SSBP2: variants seen among roughly 807,000 people sequenced by gnomAD.
SSBP2 encodes single-stranded DNA-binding protein 2.
In SSBP2, 17 loss-of-function variants were observed where a neutral mutation model predicts 61.8. The ratio of observed to expected loss-of-function variants is 0.28; its 90% CI spans 0.19 to 0.41. The LOEUF (loss-of-function observed/expected upper bound fraction) is 0.41. SSBP2 is among the 10% of genes least tolerant of loss of function. SSBP2 has a pLI of 1.00. For synonymous variants in SSBP2, 139 were observed against 141.3 expected (o/e 0.98, Z 0.12); for missense variants, 310 against 458.7 (o/e 0.68, Z 2.96).
chr5:81,748,723 C>T (rs1162892023), intron 1 of SSBP2, among the ~76,000 whole-genome samples: 1 of 152,140 alleles, frequency 6.6e-6, no homozygotes, highest in Non-Finnish European at 1.5e-5. Context: ...AATCAAATAG[C>T]ACCATCTAGC....
At position 81,448,825 on chromosome 5, in the gene SSBP2, T is replaced by C. The variant is rs1763576511; in HGVS notation, c.688A>G (p.Ile230Val). The C allele has an allele frequency of 1.9e-6, 3 of 1,612,810 alleles. No homozygotes were observed. In the South Asian group the frequency reaches 3.3e-5, roughly 18 times the overall value. Residue 230 changes from isoleucine (I) to valine (V), a missense_variant and splice_region_variant, in exon 11 of 17, where the codon ATA (isoleucine) becomes GTA (valine). Transcript: ENST00000320672. ...CCAGGAGATGCTGAGGAGTATGGTA[T>C]CTGGAACACGAATAGGACAAAAAAA...
intron 4 of SSBP2, among the ~76,000 whole-genome samples, chr5:81,600,764 GA>G (rs1744286925): frequency 6.6e-6 from 1 of 151,758 alleles, no homozygotes; most frequent in Admixed American, 6.6e-5. Context: ...CCATCTAAAG[GA>G]AAAACACTAA....
At position 81,433,338 on chromosome 5, in the gene SSBP2, G is replaced by A. The variant is rs1277588139; in HGVS notation, c.957+4092C>T. Among the ~76,000 whole-genome samples the A allele has an allele frequency of 5.9e-5, 9 of 152,098 alleles. No homozygotes were observed. In the South Asian group the frequency reaches 6.2e-4, roughly 11 times the overall value. On this transcript the variant is annotated intron_variant, in intron 15 of 16. Transcript: ENST00000320672. ...ACCCTGTGCTCTCTGAAACATGTGC[G>A]GTGTCCACTCAGGGTTAAATGGATT...
intron 1 of SSBP2, among the ~76,000 whole-genome samples, chr5:81,729,887 G>A (rs1418230283): frequency 6.6e-6 from 1 of 151,792 alleles, no homozygotes; most frequent in Non-Finnish European, 1.5e-5. Context: ...TATATAGATA[G>A]GTCAAAATAA....
At chr5:81,485,800 C>G (rs1327451246) in intron 6 of SSBP2, among the ~76,000 whole-genome samples, 1 of 152,116 alleles carries the variant, frequency 6.6e-6, no homozygotes, top group Non-Finnish European at 1.5e-5. Context: ...TGTGAGCTAC[C>G]ATGCCTGGAC....
chr5:81,585,233 C>T (rs1282370945), intron 4 of SSBP2, among the ~76,000 whole-genome samples: 1 of 152,090 alleles, frequency 6.6e-6, no homozygotes, highest in Non-Finnish European at 1.5e-5. Context: ...TACTCTGTCT[C>T]TCTGGCATAT....
At chr5:81,444,237 T>C (rs544175331) in intron 12 of SSBP2, among the ~76,000 whole-genome samples, 1 of 152,228 alleles carries the variant, frequency 6.6e-6, no homozygotes, top group African/African-American at 2.4e-5. Context: ...TTTACATCCT[T>C]GTGTATGCTA....
rs11332987 is a variant in SSBP2 at position 81,668,248 on chromosome 5, TAAAAAA to T, written c.63-17915_63-17910del. 5.4e-3 allele frequency among the ~76,000 whole-genome samples: 516 copies of T among 94,918 alleles called. 7 individuals carry two copies. Among genetic ancestry groups the T allele is most frequent in the Admixed American group, 0.044 (386 of 8,868 alleles). 62.3% of individuals were successfully genotyped at this position (94,918 alleles called of 152,430 possible). ...TAAAGATAGAGCTTATATGGAAGTT[TAAAAAA>T]AAAAAAAAAAAAAAAAAAACAGGAA... On this transcript the variant is annotated intron_variant, in intron 1 of 16. Transcript: ENST00000320672.
chr5:81,488,969 A>G (rs1278997241), intron 6 of SSBP2, among the ~76,000 whole-genome samples: 2 of 152,174 alleles, frequency 1.3e-5, no homozygotes, highest in African/African-American at 2.4e-5. Flanking sequence ...GTTGCCGGCC[A>G]CATATGGTCT....
At chr5:81,455,568 G>A (rs1764082405) in intron 10 of SSBP2, among the ~76,000 whole-genome samples, 1 of 47,996 alleles carries the variant, frequency 2.1e-5, no homozygotes, top group South Asian at 5.2e-4. Flanking sequence ...GCAGTGAGCC[G>A]AGATTGCGCC....
chr5:81,702,522 C>T (rs763263476), intron 1 of SSBP2, among the ~76,000 whole-genome samples: 1 of 152,032 alleles, frequency 6.6e-6, no homozygotes, highest in Non-Finnish European at 1.5e-5. Flanking sequence ...AAATAGGCAT[C>T]GGAAAATACA....
At chr5:81,445,116 C>G (rs1207349866) in intron 12 of SSBP2, among the ~76,000 whole-genome samples, 6 of 96,582 alleles carry the variant, frequency 6.2e-5, no homozygotes, top group Middle Eastern at 6.0e-3. Context: ...GAGGCTCTGT[C>G]TCAGCAAAGA....
At chr5:81,519,581 A>G (rs1029658605) in intron 4 of SSBP2, among the ~76,000 whole-genome samples, 5 of 152,208 alleles carry the variant, frequency 3.3e-5, no homozygotes, top group African/African-American at 1.2e-4. Context: ...TGGTCTTAAG[A>G]TCTTGTTTGT....
intron 6 of SSBP2, among the ~76,000 whole-genome samples, chr5:81,480,359 A>G (rs1323798465): frequency 6.6e-6 from 1 of 152,190 alleles, no homozygotes; most frequent in African/African-American, 2.4e-5. Context: ...GTTTCCCGTG[A>G]ATATATGTTT....
At chr5:81,457,293 C>T (rs1764227411) in intron 10 of SSBP2, among the ~76,000 whole-genome samples, 1 of 151,900 alleles carries the variant, frequency 6.6e-6, no homozygotes. Context: ...TTCATGAATA[C>T]ATCGTATATA....
chr5:81,704,436 TGCTC>T (rs1439466908), intron 1 of SSBP2, among the ~76,000 whole-genome samples: 2 of 152,124 alleles, frequency 1.3e-5, no homozygotes, highest in East Asian at 3.9e-4. Context: ...CAGGCACACA[TGCTC>T]GCACACATAT....
intron 15 of SSBP2, among the ~76,000 whole-genome samples, chr5:81,429,627 AACTT>A (rs374816656): frequency 0.013 from 2,034 of 152,304 alleles, 46 homozygotes; most frequent in African/African-American, 0.044. Flanking sequence ...TGGAAGAAAT[AACTT>A]ACTTACTTAC....
intron 4 of SSBP2, among the ~76,000 whole-genome samples, chr5:81,567,195 T>C (rs903193494): frequency 1.3e-5 from 2 of 152,174 alleles, no homozygotes; most frequent in Admixed American, 1.3e-4. Flanking sequence ...GGCAGCCCCT[T>C]CCATCACAGG....
At chr5:81,531,851 G>C (rs540609983) in intron 4 of SSBP2, among the ~76,000 whole-genome samples, 1 of 152,170 alleles carries the variant, frequency 6.6e-6, no homozygotes, top group East Asian at 1.9e-4. Context: ...TGCTAGGAAA[G>C]GAAGAGGGCA....
Sources: allele counts gnomAD v4.1 joint callset (sites outside exome capture counted in the v4.1 genomes callset), GRCh38; gene constraint gnomAD v4.1.1; transcripts MANE v1.5; gene names NCBI Gene and HGNC (gene_info 2026-07-23, HGNC 2026-07-21).